Variants in FHIT observed in about 807,000 individuals in gnomAD.
The protein encoded by FHIT is bis(5'-adenosyl)-triphosphatase.
FHIT carries 19 observed loss-of-function variants against 17.9 expected under a neutral mutation model. The observed-to-expected ratio is 1.06, with a 90% CI of 0.74 to 1.56. FHIT has a LOEUF of 1.56. FHIT is among the 40% of genes most tolerant of loss of function. The probability of loss-of-function intolerance (pLI) is 0.00; values close to 1 mark genes in which losing one functional copy is unlikely to be tolerated. For missense variants in FHIT, 248 were observed against 189.2 expected, an observed-to-expected ratio of 1.31 and a Z score of -1.82; for synonymous variants, 81 against 69.7, an observed-to-expected ratio of 1.16 and a Z score of -0.81.
chr3:60,797,481 G>GTAGTAGTAA (rs1484755371), intron 4 of FHIT, among the ~76,000 whole-genome samples: 1 of 141,164 alleles, frequency 7.1e-6, no homozygotes, highest in African/African-American at 2.5e-5. Context: ...AGTAGTAGTA[G>GTAGTAGTAA]TAGTAGTAGT....
At chr3:59,931,708 C>A (rs1169566181) in intron 7 of FHIT, among the ~76,000 whole-genome samples, 1 of 151,928 alleles carries the variant, frequency 6.6e-6, no homozygotes, top group African/African-American at 2.4e-5. Context: ...CAGAAAACAC[C>A]TCCTAGAATT....
chr3:60,309,460 T>C (rs141231527), intron 5 of FHIT, among the ~76,000 whole-genome samples: 78 of 152,230 alleles, frequency 5.1e-4, no homozygotes, highest in African/African-American at 1.8e-3. Context: ...AGAATGATTA[T>C]GACAGTCCCA....
At chr3:60,455,014 G>C (rs2031997854) in intron 5 of FHIT, among the ~76,000 whole-genome samples, 1 of 151,984 alleles carries the variant, frequency 6.6e-6, no homozygotes, top group Non-Finnish European at 1.5e-5. Flanking sequence ...AATGTCTTTA[G>C]TGACTATATT....
intron 5 of FHIT, among the ~76,000 whole-genome samples, chr3:60,075,616 G>A (rs969987838): frequency 3.0e-4 from 46 of 151,876 alleles, no homozygotes; most frequent in African/African-American, 1.1e-3. Flanking sequence ...AGTCTACTGT[G>A]CACCGTGAAG....
chr3:60,783,866 C>T (rs1700475326), intron 4 of FHIT, among the ~76,000 whole-genome samples: 1 of 152,156 alleles, frequency 6.6e-6, no homozygotes. Context: ...GTTCTAATCC[C>T]AATGCCCCTT....
intron 4 of FHIT, among the ~76,000 whole-genome samples, chr3:60,652,762 T>C (rs1449264998): frequency 2.2e-5 from 3 of 136,348 alleles, no homozygotes; most frequent in Non-Finnish European, 4.7e-5. Flanking sequence ...ATTCAAAAAG[T>C]ACCTCAGCAT....
chr3:60,476,742 G>A (rs193150441), intron 5 of FHIT, among the ~76,000 whole-genome samples: 4 of 152,200 alleles, frequency 2.6e-5, no homozygotes, highest in Admixed American at 2.0e-4. Flanking sequence ...CAAATCAGCT[G>A]ACCATTTATA....
intron 3 of FHIT, among the ~76,000 whole-genome samples, chr3:60,911,468 A>C (rs1373022348): frequency 3.3e-5 from 5 of 152,120 alleles, no homozygotes; most frequent in African/African-American, 1.2e-4. Context: ...TCATGTCTAC[A>C]GTAAAGGTAT....
intron 8 of FHIT, among the ~76,000 whole-genome samples, chr3:59,904,574 A>G (rs1704496529): frequency 6.6e-6 from 1 of 152,188 alleles, no homozygotes; most frequent in Non-Finnish European, 1.5e-5. Context: ...ACCCCTGGCC[A>G]GTGATGCCCG....
At chr3:60,555,159 T>C (rs905427907) in intron 4 of FHIT, among the ~76,000 whole-genome samples, 2 of 152,226 alleles carry the variant, frequency 1.3e-5, no homozygotes, top group Non-Finnish European at 2.9e-5. Flanking sequence ...GATAACCAGA[T>C]ATAAATTCAA....
intron 3 of FHIT, among the ~76,000 whole-genome samples, chr3:60,979,759 C>T (rs1005499208): frequency 6.6e-6 from 1 of 152,220 alleles, no homozygotes; most frequent in Non-Finnish European, 1.5e-5. Flanking sequence ...ATCACCCCCT[C>T]TGTCCCAGGA....
At chr3:60,801,507 G>A (rs1701185587) in intron 4 of FHIT, among the ~76,000 whole-genome samples, 2 of 152,254 alleles carry the variant, frequency 1.3e-5, no homozygotes, top group South Asian at 2.1e-4. Context: ...AGCCCTACCA[G>A]TGGGGGCTAG....
intron 5 of FHIT, among the ~76,000 whole-genome samples, chr3:60,373,124 T>A (rs1358572750): frequency 6.6e-6 from 1 of 152,206 alleles, no homozygotes; most frequent in African/African-American, 2.4e-5. Context: ...GACCCTACCT[T>A]GCCTTCAACA....
At chr3:59,868,871 C>G (rs1702780458) in intron 8 of FHIT, among the ~76,000 whole-genome samples, 1 of 152,112 alleles carries the variant, frequency 6.6e-6, no homozygotes, top group Admixed American at 6.5e-5. Flanking sequence ...TCCTATTGTT[C>G]ATATATAAAA....
At chr3:60,758,147 C>A (rs1204042639) in intron 4 of FHIT, among the ~76,000 whole-genome samples, 6 of 152,176 alleles carry the variant, frequency 3.9e-5, no homozygotes, top group African/African-American at 1.4e-4. Flanking sequence ...CCACCCAGGG[C>A]TGCTGGTCCT....
chr3:60,268,220 T>C (rs564771453), intron 5 of FHIT, among the ~76,000 whole-genome samples: 3 of 152,220 alleles, frequency 2.0e-5, no homozygotes, highest in Non-Finnish European at 2.9e-5. Flanking sequence ...AATATTCTTA[T>C]GCTGAATAAT....
chr3:61,244,678 T>A (rs193113806), intron 1 of FHIT, among the ~76,000 whole-genome samples: 191 of 152,312 alleles, frequency 1.3e-3, no homozygotes, highest in African/African-American at 4.4e-3. Flanking sequence ...TTCCCATACC[T>A]GGAATGAAAG....
chr3:60,087,032 C>G (rs1345256167), intron 5 of FHIT, among the ~76,000 whole-genome samples: 1 of 152,202 alleles, frequency 6.6e-6, no homozygotes, highest in South Asian at 2.1e-4. Flanking sequence ...TATGAGTCAT[C>G]AAGCCTCCAC....
At chr3:60,705,620 C>T (rs189938172) in intron 4 of FHIT, among the ~76,000 whole-genome samples, 4 of 152,294 alleles carry the variant, frequency 2.6e-5, no homozygotes, top group Non-Finnish European at 5.9e-5. Context: ...GAGAAAAATA[C>T]TATTTTGAAA....
Sources: gnomAD v4.1 joint callset for allele counts (sites outside exome capture counted in the v4.1 genomes callset) on GRCh38, gnomAD v4.1.1 for gene constraint, MANE v1.5 for transcripts, NCBI Gene and HGNC (gene_info 2026-07-23, HGNC 2026-07-21) for gene names.